LIPH: variants seen among roughly 807,000 people sequenced by gnomAD.
LIPH encodes lipase member H.
Under a neutral mutation model 47.6 loss-of-function variants are expected in LIPH, and 32 were observed. The ratio of observed to expected loss-of-function variants is 0.67; its 90% CI spans 0.51 to 0.90. The LOEUF is 0.90. LIPH is among the 40% of genes least tolerant of loss of function. The pLI, the probability that LIPH is intolerant of heterozygous loss-of-function variation, is 0.00. For missense variants in LIPH, 497 were observed against 541.4 expected (o/e 0.92, Z 0.81); for synonymous variants, 190 against 195.6 (o/e 0.97, Z 0.24).
intron 3 of LIPH, among the ~76,000 whole-genome samples, chr3:185,528,353 A>AGAAAGAAAGAAG (rs1484920418): frequency 6.6e-6 from 1 of 151,892 alleles, no homozygotes; most frequent in Non-Finnish European, 1.5e-5. Flanking sequence ...AAAGAAAGAA[A>AGAAAGAAAGAAG]GAAAGCGCTA....
intron 1 of LIPH, among the ~76,000 whole-genome samples, chr3:185,537,287 A>T (rs1440292281): frequency 6.6e-6 from 1 of 152,104 alleles, no homozygotes; most frequent in African/African-American, 2.4e-5. Flanking sequence ...ATAATCAGTG[A>T]GACTCTAGCT....
chr3:185,519,733 G>A (rs775108515), intron 5 of LIPH, among the ~76,000 whole-genome samples: 22 of 149,094 alleles, frequency 1.5e-4, no homozygotes, highest in Admixed American at 2.7e-4. Context: ...CTACTCAGGA[G>A]GCTAAGGCAG....
intron 9 of LIPH, among the ~76,000 whole-genome samples, chr3:185,511,161 T>C (rs754486901): frequency 6.6e-6 from 1 of 152,010 alleles, no homozygotes; most frequent in African/African-American, 2.4e-5. Context: ...GCCTCCTGAG[T>C]AGTGGGATTA....
intron 1 of LIPH, among the ~76,000 whole-genome samples, chr3:185,549,477 ATATC>A (rs1203368219): frequency 6.6e-6 from 1 of 152,202 alleles, no homozygotes; most frequent in African/African-American, 2.4e-5. Flanking sequence ...TTCTGGGAAA[ATATC>A]TATCTAGTTT....
chr3:185,529,176 C>CAAAAAAAAAAAAAAAA (rs1173804674), intron 3 of LIPH, among the ~76,000 whole-genome samples: 1 of 54,444 alleles, frequency 1.8e-5, no homozygotes, highest in African/African-American at 8.1e-5. Context: ...GACTCCGTCT[C>CAAAAAAAAAAAAAAAA]AAAAAAAAAA....
At position 185,534,819 on chromosome 3, in the gene LIPH, A is replaced by G. The variant is rs753063884; in HGVS notation, c.363T>C (p.Ser121=). 3.1e-6 allele frequency: 5 copies of G among 1,613,454 alleles called. No individual in the cohort carries two copies. The highest frequency in any genetic ancestry group is 4.2e-6 in the Non-Finnish European group (5 of 1,179,436). The change falls in exon 2 of 10, where the codon TCT becomes TCC. Residue 121 remains serine (S), a synonymous_variant. Coordinates refer to ENST00000296252, the MANE Select transcript of LIPH (RefSeq NM_139248.3). ...GATTLIYTHA[S]SKTRKVAMVL... is the part of the protein sequence containing the mutation. ...CCATGGCTACTTTTCTGGTCTTACT[A>G]GAGGCATGGGTATATATTAAAGTTG... is the stretch of plus-strand genomic sequence containing the variant.
At chr3:185,511,457 C>T in intron 9 of LIPH, 67 bp downstream of exon 9, 1 of 1,405,350 alleles carries the variant, frequency 7.1e-7, no homozygotes, top group Non-Finnish European at 1.0e-6. Context: ...TCAGACCAAG[C>T]AGATTGGACA....
In LIPH at chr3:185,530,507, A is replaced by T. The variant is rs1057288404; in HGVS notation, c.527-2922T>A. Among the ~76,000 whole-genome samples the T allele has an allele frequency of 1.1e-4, 16 of 151,792 alleles. No homozygotes were observed. The South Asian group carries it at 1.5e-3, about 14-fold the overall frequency. On this transcript the variant is annotated intron_variant, in intron 3 of 9. Transcript: ENST00000296252. ...AATAATAATAATAATAAATTAATTT[A>T]AAAAATACAAAAATTAGCTGGGTGC...
Position 185,519,292 on chromosome 3 carries a change from A to T in LIPH, c.736T>A (p.Cys246Ser), listed in dbSNP as rs201249971. Residue 246 changes from cysteine (C) to serine (S), a missense_variant, in exon 6 of 10, where the codon TGT (cysteine) becomes AGT (serine). Cys to Ser is a moderately radical substitution (Grantham distance 112). Transcript: ENST00000296252. The stretch of plus-strand genomic sequence containing the variant: ...AGGTATACAGACCTCTGGTGGTCAC[A>T]TTTAAAATACTGAAATCCTTGGTTG... ...TILGGFQYFK[C>S]DHQRSVYLYL... 2.4e-4 allele frequency: 394 copies of T among 1,613,098 alleles called. 6 individuals carry two copies. In the East Asian group the frequency reaches 8.2e-3, roughly 33 times the overall value.
chr3:185,514,549 G>C, intron 7 of LIPH, 28 bp from the exon 8 acceptor site: 3 of 873,560 alleles, frequency 3.4e-6, no homozygotes, highest in Non-Finnish European at 6.0e-6. Context: ...AACACGGTAA[G>C]AGAGAGATAC....
chr3:185,516,936 G>A lies in LIPH; in HGVS notation c.982+131C>T, dbSNP rs569591835. 109 of 753,004 alleles carry A rather than the reference G, an allele frequency of 1.4e-4. No individual in the cohort carries two copies. In the African/African-American group the frequency reaches 1.6e-3, roughly 11 times the overall value. The allele number at this position is 753,004 out of a possible 1,614,324, so 46.6% of individuals were successfully genotyped here. A position where few individuals can be genotyped will look rare whatever the true frequency, so the allele number is the denominator to read the frequency against. ...TATGTGGTAGACTCAGGAGTCAACC[G>A]AGGCCCTTCCAGCTCCAAAGTTGAT... On this transcript the variant is annotated intron_variant, in intron 7 of 9. Transcript: ENST00000296252.
intron 8 of LIPH, among the ~76,000 whole-genome samples, chr3:185,512,428 G>A: frequency 6.6e-6 from 1 of 151,962 alleles, no homozygotes; most frequent in Non-Finnish European, 1.5e-5. Context: ...TTCTGGGGAG[G>A]TGGAAGAACC....
chr3:185,529,114 T>C (rs1208021989), intron 3 of LIPH, among the ~76,000 whole-genome samples: 6 of 135,120 alleles, frequency 4.4e-5, no homozygotes, highest in Non-Finnish European at 7.7e-5. Flanking sequence ...GAGGCAGAGG[T>C]TGCAGTGAGC....
chr3:185,522,311 T>A (rs1420207966), intron 5 of LIPH, among the ~76,000 whole-genome samples: 1 of 152,154 alleles, frequency 6.6e-6, no homozygotes, highest in East Asian at 1.9e-4. Flanking sequence ...TGAAGTGTTG[T>A]TGTCAGCTGT....
intron 7 of LIPH, among the ~76,000 whole-genome samples, chr3:185,516,186 G>A (rs766207304): frequency 6.6e-5 from 10 of 151,916 alleles, no homozygotes; most frequent in South Asian, 2.1e-4. Flanking sequence ...TAATCCCAGC[G>A]CTTTGAGAGG....
chr3:185,529,962 G>GAAAGA (rs1326030820), intron 3 of LIPH, among the ~76,000 whole-genome samples: 3 of 57,404 alleles, frequency 5.2e-5, no homozygotes, highest in African/African-American at 1.7e-4. Flanking sequence ...AAGAAAGAAA[G>GAAAGA]AAGGAAAGAA....
chr3:185,522,811 A>T (rs1166412235), intron 5 of LIPH, among the ~76,000 whole-genome samples: 6 of 152,180 alleles, frequency 3.9e-5, no homozygotes, highest in Admixed American at 3.9e-4. Flanking sequence ...TTATTTGAAA[A>T]ACACAAAATG....
chr3:185,522,646 AAGAAAAAGAAAGAAAGAAAGAAAG>A (rs1719933267), intron 5 of LIPH, among the ~76,000 whole-genome samples: 1 of 120,410 alleles, frequency 8.3e-6, no homozygotes, highest in African/African-American at 3.1e-5. Flanking sequence ...GAAAGAGAGA[AAGAAAAAGAAAGAAAGAAAGAAAG>A]AAAGAAAGAA....
chr3:185,523,914 G>A (rs1426297636), intron 5 of LIPH, among the ~76,000 whole-genome samples, 157 bp downstream of exon 5: 5 of 150,628 alleles, frequency 3.3e-5, no homozygotes, highest in Non-Finnish European at 5.9e-5. Flanking sequence ...TAGAGATGGG[G>A]TTTCACTATG....
Sources: allele counts gnomAD v4.1 joint callset (sites outside exome capture counted in the v4.1 genomes callset), GRCh38; gene constraint gnomAD v4.1.1; transcripts MANE v1.5; gene names NCBI Gene and HGNC (gene_info 2026-07-23, HGNC 2026-07-21).